MICU2: variants seen among roughly 807,000 people sequenced by gnomAD.
MICU2 encodes mitochondrial calcium uptake 2.
In MICU2, 64 loss-of-function variants were observed where a neutral mutation model predicts 60.4. The observed-to-expected ratio is 1.06, with a 90% CI of 0.87 to 1.31. The LOEUF is 1.31. Among genes scored for constraint, MICU2 ranks in the 50% most tolerant of loss-of-function variants. The pLI, the probability that MICU2 is intolerant of heterozygous loss-of-function variation, is 0.00. For synonymous variants in MICU2, 201 were observed against 175.0 expected (o/e 1.15, Z -1.17); for missense variants, 569 against 531.0 (o/e 1.07, Z -0.70).
intron 2 of MICU2, among the ~76,000 whole-genome samples, chr13:21,544,979 G>A (rs924647509): frequency 1.3e-5 from 2 of 152,126 alleles, no homozygotes; most frequent in Admixed American, 6.5e-5. Flanking sequence ...CACTGTTGGT[G>A]AGAATGTAAA....
chr13:21,529,596 TAGGACAGTG>T (rs1886938361), intron 4 of MICU2, among the ~76,000 whole-genome samples: 1 of 152,166 alleles, frequency 6.6e-6, no homozygotes, highest in South Asian at 2.1e-4. Flanking sequence ...AGAGAGAGAC[TAGGACAGTG>T]TGGTTTCAGA....
At chr13:21,504,243 C>T (rs1593315214) in intron 8 of MICU2, among the ~76,000 whole-genome samples, 1 of 152,000 alleles carries the variant, frequency 6.6e-6, no homozygotes, top group African/African-American at 2.4e-5. Flanking sequence ...AGTTTTCCTG[C>T]CCTGTATACT....
intron 6 of MICU2, among the ~76,000 whole-genome samples, chr13:21,519,827 G>A (rs76122721): frequency 1.2e-3 from 181 of 152,314 alleles, no homozygotes; most frequent in African/African-American, 4.1e-3. Context: ...AGGGGCTCTA[G>A]AACAAGATGG....
chr13:21,579,712 A>C (rs1259491604), intron 1 of MICU2, among the ~76,000 whole-genome samples: 1 of 152,222 alleles, frequency 6.6e-6, no homozygotes, highest in African/African-American at 2.4e-5. Flanking sequence ...CAAATTTGCC[A>C]AAGTCTCCCT....
At chr13:21,546,153 T>C (rs1887412596) in intron 2 of MICU2, among the ~76,000 whole-genome samples, 1 of 152,160 alleles carries the variant, frequency 6.6e-6, no homozygotes, top group African/African-American at 2.4e-5. Flanking sequence ...AATATTTAAA[T>C]AGTGGATGCA....
At chr13:21,549,114 A>T (rs1265999130) in intron 2 of MICU2, among the ~76,000 whole-genome samples, 7 of 151,484 alleles carry the variant, frequency 4.6e-5, no homozygotes, top group African/African-American at 7.3e-5. Flanking sequence ...CATTTTTAGT[A>T]GAGACGGGGT....
intron 4 of MICU2, among the ~76,000 whole-genome samples, chr13:21,538,932 C>T (rs1250025609): frequency 1.3e-5 from 2 of 152,084 alleles, no homozygotes; most frequent in African/African-American, 4.8e-5. Flanking sequence ...TGATAAGTTC[C>T]CTTTTTCTTT....
At chr13:21,567,460 G>A (rs1262987193) in intron 1 of MICU2, among the ~76,000 whole-genome samples, 3 of 152,192 alleles carry the variant, frequency 2.0e-5, no homozygotes, top group Non-Finnish European at 4.4e-5. Flanking sequence ...GAGGAAAGAA[G>A]AGAGTGGCAG....
intron 2 of MICU2, among the ~76,000 whole-genome samples, chr13:21,544,150 T>C (rs1887350730): frequency 6.6e-6 from 1 of 152,086 alleles, no homozygotes; most frequent in South Asian, 2.1e-4. Flanking sequence ...TCACCTTATA[T>C]AAAAATCAAC....
At chr13:21,553,720 T>A (rs1887630884) in intron 2 of MICU2, among the ~76,000 whole-genome samples, 1 of 152,110 alleles carries the variant, frequency 6.6e-6, no homozygotes, top group South Asian at 2.1e-4. Flanking sequence ...AATGCTCCAA[T>A]TAAAAGGCAC....
intron 1 of MICU2, among the ~76,000 whole-genome samples, chr13:21,574,014 G>A (rs138281536): frequency 2.6e-5 from 4 of 152,210 alleles, no homozygotes; most frequent in African/African-American, 4.8e-5. Flanking sequence ...AAACCTACTC[G>A]GTTGGCAGTG....
chr13:21,529,667 G>A (rs927356587), intron 4 of MICU2, among the ~76,000 whole-genome samples: 3 of 152,206 alleles, frequency 2.0e-5, no homozygotes, highest in Non-Finnish European at 4.4e-5. Context: ...CAGATCTTTC[G>A]TTGACATGAT....
intron 4 of MICU2, among the ~76,000 whole-genome samples, chr13:21,531,569 T>G (rs745747565): frequency 6.4e-4 from 98 of 152,326 alleles, no homozygotes; most frequent in Middle Eastern, 3.4e-3. Context: ...ATAAAGGAAC[T>G]TTTGTAGTCT....
chr13:21,493,441 TC>T, intron 11 of MICU2, 88 bp from the exon 12 acceptor site: 1 of 854,786 alleles, frequency 1.2e-6, no homozygotes, highest in Non-Finnish European at 1.8e-6. Context: ...TTTATTTCCT[TC>T]CCACACTCCT....
intron 9 of MICU2, among the ~76,000 whole-genome samples, chr13:21,500,258 T>G (rs1341615679): frequency 2.0e-5 from 3 of 152,182 alleles, no homozygotes; most frequent in Non-Finnish European, 4.4e-5. Context: ...AATAGTCTTG[T>G]ATCTTCTGCA....
intron 1 of MICU2, among the ~76,000 whole-genome samples, chr13:21,573,554 G>T (rs1483636393): frequency 2.0e-5 from 3 of 152,176 alleles, no homozygotes; most frequent in Non-Finnish European, 4.4e-5. Context: ...TTACAGGTGT[G>T]AGCCACTGCG....
At chr13:21,574,326 T>C (rs1021843487) in intron 1 of MICU2, among the ~76,000 whole-genome samples, 3 of 152,226 alleles carry the variant, frequency 2.0e-5, no homozygotes, top group Non-Finnish European at 2.9e-5. Context: ...TTTGGGGCTA[T>C]ACTGAACACA....
At chr13:21,533,477 C>T (rs904058600) in intron 4 of MICU2, among the ~76,000 whole-genome samples, 15 of 152,100 alleles carry the variant, frequency 9.9e-5, no homozygotes, top group African/African-American at 3.6e-4. Context: ...GTGCCGGCCA[C>T]TGCGCCCGGC....
intron 6 of MICU2, among the ~76,000 whole-genome samples, chr13:21,518,174 T>C (rs1018728547): frequency 6.6e-6 from 1 of 152,234 alleles, no homozygotes; most frequent in African/African-American, 2.4e-5. Flanking sequence ...CATGTTAAGC[T>C]ATTGTGTGAA....
Sources: gnomAD v4.1 joint callset for allele counts (sites outside exome capture counted in the v4.1 genomes callset) on GRCh38, gnomAD v4.1.1 for gene constraint, MANE v1.5 for transcripts, NCBI Gene and HGNC (gene_info 2026-07-23, HGNC 2026-07-21) for gene names.